UNC5C: variants seen among roughly 807,000 people sequenced by gnomAD.
UNC5C encodes netrin receptor UNC5C.
UNC5C carries 47 observed loss-of-function variants against 99.8 expected under a neutral mutation model. The observed-to-expected ratio is 0.47, with a 90% CI of 0.37 to 0.60. The LOEUF is 0.60. Among genes scored for constraint, UNC5C ranks in the 20% least tolerant of loss-of-function variants. The pLI, the probability that UNC5C is intolerant of heterozygous loss-of-function variation, is 0.00. For synonymous variants in UNC5C, 487 were observed against 452.2 expected, an observed-to-expected ratio of 1.08 and a Z score of -0.98; for missense variants, 1,062 against 1,165.9, an observed-to-expected ratio of 0.91 and a Z score of 1.30.
intron 10 of UNC5C, among the ~76,000 whole-genome samples, chr4:95,214,190 T>A (rs2621450): frequency 0.56 from 84,984 of 152,072 alleles, 24,330 homozygotes; most frequent in Middle Eastern, 0.75. Flanking sequence ...TGCATCTGGT[T>A]CATAACAGAA....
At chr4:95,277,138 T>C (rs1740890656) in intron 4 of UNC5C, among the ~76,000 whole-genome samples, 1 of 152,228 alleles carries the variant, frequency 6.6e-6, no homozygotes, top group African/African-American at 2.4e-5. Context: ...TTATGGACTA[T>C]GTTGAAAGTC....
At chr4:95,362,655 A>G (rs1435079804) in intron 1 of UNC5C, among the ~76,000 whole-genome samples, 1 of 152,192 alleles carries the variant, frequency 6.6e-6, no homozygotes, top group Non-Finnish European at 1.5e-5. Context: ...CCTCACTGTT[A>G]TATCATGTGA....
intron 14 of UNC5C, among the ~76,000 whole-genome samples, chr4:95,177,634 A>G (rs1377121554): frequency 2.0e-5 from 3 of 152,186 alleles, no homozygotes; most frequent in African/African-American, 7.2e-5. Context: ...CATGGTATGC[A>G]CAGTGCTGTT....
chr4:95,518,389 CAATGAGA>C (rs1722269234), intron 1 of UNC5C, among the ~76,000 whole-genome samples: 1 of 152,106 alleles, frequency 6.6e-6, no homozygotes, highest in Non-Finnish European at 1.5e-5. Context: ...ACTCCATATA[CAATGAGA>C]AGATGTAAAC....
At chr4:95,527,944 A>G (rs1026139287) in intron 1 of UNC5C, among the ~76,000 whole-genome samples, 1 of 152,144 alleles carries the variant, frequency 6.6e-6, no homozygotes, top group Non-Finnish European at 1.5e-5. Flanking sequence ...GAGCTTCAGA[A>G]ATATTCATGG....
At chr4:95,181,412 C>T (rs1396356928) in intron 14 of UNC5C, among the ~76,000 whole-genome samples, 1 of 152,214 alleles carries the variant, frequency 6.6e-6, no homozygotes, top group Non-Finnish European at 1.5e-5. Flanking sequence ...ATCTGATCCA[C>T]CTTTTTAACA....
chr4:95,185,099 A>T lies in UNC5C; in HGVS notation c.2234T>A (p.Ile745Asn). Reference sequence around the variant, plus strand: ...CCAGAGGGAATGGGCGATATCGTGAATTGACAGGCGCAGGTTGTGGGTGCT... The same window carrying T: ...CCAGAGGGAATGGGCGATATCGTGATTTGACAGGCGCAGGTTGTGGGTGCT... ...KGSTHNLRLS[I>N]HDIAHSLWKS... The change falls in exon 13 of 16, where the codon ATT (isoleucine) becomes AAT (asparagine). Residue 745 changes from isoleucine to asparagine, a missense_variant. Transcript: ENST00000453304. 1 of 1,614,004 alleles carries T rather than the reference A, an allele frequency of 6.2e-7. No homozygotes were observed. Among genetic ancestry groups the T allele is most frequent in the Non-Finnish European group, 8.5e-7 (1 of 1,180,000 alleles).
At chr4:95,536,906 C>T (rs1017029452) in intron 1 of UNC5C, among the ~76,000 whole-genome samples, 1 of 152,010 alleles carries the variant, frequency 6.6e-6, no homozygotes. Context: ...ATGTAAGCTC[C>T]CAAATCACTC....
At chr4:95,207,208 A>G (rs748381326) in intron 10 of UNC5C, among the ~76,000 whole-genome samples, 3 of 152,190 alleles carry the variant, frequency 2.0e-5, no homozygotes, top group Non-Finnish European at 4.4e-5. Context: ...TTGTGGTTTC[A>G]GGACCTGACT....
At chr4:95,201,806 G>A (rs542985575) in intron 12 of UNC5C, among the ~76,000 whole-genome samples, 17 of 152,100 alleles carry the variant, frequency 1.1e-4, no homozygotes, top group South Asian at 4.2e-4. Flanking sequence ...GGGTTTCACC[G>A]TGTTAGCCAG....
chr4:95,548,650 G>A (rs41275689), intron 1 of UNC5C, 84 bp downstream of exon 1: 20,035 of 1,485,638 alleles, frequency 0.013, 165 homozygotes, highest in Non-Finnish European at 0.017. Flanking sequence ...AATTGAGGAA[G>A]TCAAGAGAAC....
intron 11 of UNC5C, among the ~76,000 whole-genome samples, 176 bp downstream of exon 11, chr4:95,206,452 C>G (rs1322558274): frequency 2.0e-5 from 3 of 152,102 alleles, no homozygotes; most frequent in Non-Finnish European, 4.4e-5. Flanking sequence ...GTGTGCCTGT[C>G]AATCAGAAGA....
At chr4:95,535,891 G>GA (rs1722760272) in intron 1 of UNC5C, among the ~76,000 whole-genome samples, 1 of 151,122 alleles carries the variant, frequency 6.6e-6, no homozygotes, top group African/African-American at 2.4e-5. Context: ...GATTGAGCTG[G>GA]AAAAAAAGAG....
chr4:95,248,373 T>C (rs1400947129), intron 5 of UNC5C: 1 of 335,958 alleles, frequency 3.0e-6, no homozygotes, highest in East Asian at 8.8e-5. Flanking sequence ...GGACAAAGAG[T>C]AGCAAGTTAT....
intron 1 of UNC5C, among the ~76,000 whole-genome samples, chr4:95,514,330 G>T (rs1450755223): frequency 6.6e-6 from 1 of 152,050 alleles, no homozygotes; most frequent in Non-Finnish European, 1.5e-5. Context: ...CCTTAATTAG[G>T]TATAAATATA....
At chr4:95,204,033 T>C (rs896629518) in intron 11 of UNC5C, among the ~76,000 whole-genome samples, 2 of 151,714 alleles carry the variant, frequency 1.3e-5, no homozygotes, top group Non-Finnish European at 2.9e-5. Context: ...GCTGGGATGG[T>C]GTGTGAGCTC....
At chr4:95,312,251 C>T (rs1235210856) in intron 2 of UNC5C, among the ~76,000 whole-genome samples, 1 of 152,154 alleles carries the variant, frequency 6.6e-6, no homozygotes, top group Non-Finnish European at 1.5e-5. Flanking sequence ...ATCCTCCCTT[C>T]AGAAGATACT....
At chr4:95,268,364 C>T (rs1299332170) in intron 4 of UNC5C, among the ~76,000 whole-genome samples, 1 of 152,156 alleles carries the variant, frequency 6.6e-6, no homozygotes, top group East Asian at 1.9e-4. Context: ...ACCAAAAGGG[C>T]AATGTAATGT....
At chr4:95,177,678 A>G (rs1736424710) in intron 14 of UNC5C, among the ~76,000 whole-genome samples, 1 of 152,018 alleles carries the variant, frequency 6.6e-6, no homozygotes, top group South Asian at 2.1e-4. Context: ...TCAAATACAT[A>G]TATATATGTA....
Sources: gnomAD v4.1 joint callset for allele counts (sites outside exome capture counted in the v4.1 genomes callset) on GRCh38, gnomAD v4.1.1 for gene constraint, MANE v1.5 for transcripts, NCBI Gene and HGNC (gene_info 2026-07-23, HGNC 2026-07-21) for gene names.